Variants in XYLT1 observed in about 807,000 individuals in gnomAD.
XYLT1 encodes the protein xylosyltransferase 1.
In XYLT1, 36 loss-of-function variants were observed where a neutral mutation model predicts 91.3. The ratio of observed to expected loss-of-function variants is 0.39; its 90% CI spans 0.30 to 0.52. The LOEUF (loss-of-function observed/expected upper bound fraction) is 0.52, where lower values mean the gene tolerates loss of function less well. Ranked by LOEUF, XYLT1 falls within the 20% of genes least tolerant of loss-of-function variation. XYLT1 has a pLI of 0.68. For synonymous variants in XYLT1, 588 were observed against 532.0 expected (o/e 1.11, Z -1.45); for missense variants, 1,242 against 1,284.5 (o/e 0.97, Z 0.51).
intron 3 of XYLT1, among the ~76,000 whole-genome samples, chr16:17,222,348 T>C (rs568339152): frequency 1.6e-4 from 24 of 152,202 alleles, no homozygotes; most frequent in Non-Finnish European, 2.6e-4. Context: ...ACCTAGGAGG[T>C]AGAAGCCAGG....
At chr16:17,233,605 G>A (rs765552392) in intron 3 of XYLT1, among the ~76,000 whole-genome samples, 6 of 152,224 alleles carry the variant, frequency 3.9e-5, no homozygotes, top group Non-Finnish European at 7.3e-5. Flanking sequence ...ACACTCTGTT[G>A]TGCTGCTTTG....
At chr16:17,114,876 G>C (rs996313969) in intron 11 of XYLT1, among the ~76,000 whole-genome samples, 1 of 151,540 alleles carries the variant, frequency 6.6e-6, no homozygotes, top group Admixed American at 6.6e-5. Context: ...ACAGAGTCTC[G>C]CTTTGTCACC....
chr16:17,111,412 C>G (rs1966840594), intron 11 of XYLT1, among the ~76,000 whole-genome samples: 1 of 152,122 alleles, frequency 6.6e-6, no homozygotes. Context: ...TTTAAAAAGG[C>G]TGGCCAATGA....
At chr16:17,235,977 C>T (rs866146333) in intron 3 of XYLT1, among the ~76,000 whole-genome samples, 45 of 152,062 alleles carry the variant, frequency 3.0e-4, no homozygotes, top group African/African-American at 1.1e-3. Flanking sequence ...AGCAATTCTC[C>T]TGCCTCAGCC....
At chr16:17,335,197 C>A (rs554323693) in intron 2 of XYLT1, among the ~76,000 whole-genome samples, 4 of 151,392 alleles carry the variant, frequency 2.6e-5, no homozygotes, top group African/African-American at 9.7e-5. Context: ...CCAGCCTGGG[C>A]GACAGAGTGA....
chr16:17,178,036 T>C (rs2031982807), intron 5 of XYLT1, among the ~76,000 whole-genome samples: 1 of 152,048 alleles, frequency 6.6e-6, no homozygotes, highest in Non-Finnish European at 1.5e-5. Flanking sequence ...ACGGTGCTAA[T>C]GAGGACCAGG....
intron 3 of XYLT1, among the ~76,000 whole-genome samples, chr16:17,235,245 C>T (rs2033228638): frequency 6.6e-6 from 1 of 151,582 alleles, no homozygotes; most frequent in Non-Finnish European, 1.5e-5. Context: ...TCAAGTCATA[C>T]ACAAGTTGAG....
intron 2 of XYLT1, among the ~76,000 whole-genome samples, chr16:17,261,237 C>G (rs1870255): frequency 0.67 from 94,102 of 141,326 alleles, 33,250 homozygotes; most frequent in African/African-American, 0.92. Context: ...GTGAAACTGG[C>G]TCTCAAAAAA....
chr16:17,352,645 C>A (rs775083726), intron 2 of XYLT1, among the ~76,000 whole-genome samples: 4 of 152,200 alleles, frequency 2.6e-5, no homozygotes, highest in Non-Finnish European at 5.9e-5. Flanking sequence ...AAGCTCAAAC[C>A]TCATCTCTCC....
intron 3 of XYLT1, among the ~76,000 whole-genome samples, chr16:17,203,210 C>T (rs557329831): frequency 1.3e-5 from 2 of 152,072 alleles, no homozygotes; most frequent in Non-Finnish European, 2.9e-5. Flanking sequence ...TGTTGCTAAC[C>T]AAATACTTTG....
At chr16:17,297,021 G>T (rs1221033397) in intron 2 of XYLT1, among the ~76,000 whole-genome samples, 1 of 152,198 alleles carries the variant, frequency 6.6e-6, no homozygotes, top group African/African-American at 2.4e-5. Context: ...GTACTATTTA[G>T]TGACTCTTGT....
intron 1 of XYLT1, among the ~76,000 whole-genome samples, chr16:17,417,909 C>CTGT (rs2036200530): frequency 6.6e-6 from 1 of 152,234 alleles, no homozygotes; most frequent in Non-Finnish European, 1.5e-5. Flanking sequence ...GCCCAAGACA[C>CTGT]ACAGGATAGA....
intron 1 of XYLT1, among the ~76,000 whole-genome samples, chr16:17,435,427 G>C (rs572092670): frequency 1.6e-4 from 25 of 152,230 alleles, no homozygotes; most frequent in South Asian, 1.0e-3. Context: ...CCATTATCTG[G>C]TCACTTTCTT....
intron 1 of XYLT1, among the ~76,000 whole-genome samples, chr16:17,447,463 C>T (rs994543149): frequency 2.0e-5 from 3 of 152,234 alleles, no homozygotes; most frequent in African/African-American, 4.8e-5. Flanking sequence ...CTTTAAGCTC[C>T]GAAAACATTG....
At chr16:17,320,558 C>A (rs550327915) in intron 2 of XYLT1, among the ~76,000 whole-genome samples, 1 of 149,196 alleles carries the variant, frequency 6.7e-6, no homozygotes, top group South Asian at 2.1e-4. Context: ...CGGCTCACTG[C>A]AACCTCCGCC....
chr16:17,252,894 C>T lies in XYLT1; in HGVS notation c.913+6094G>A, dbSNP rs964612486. On this transcript the variant is annotated intron_variant, in intron 3 of 11. Transcript: ENST00000261381. ...CTTGGCTGAAGTTTAGGTGATGTTG[C>T]GTAAAGCAAAATGAGAAACACAGGG... Among the ~76,000 whole-genome samples the T allele has an allele frequency of 5.3e-5, 8 of 152,138 alleles. No individual in the cohort carries two copies. The South Asian group carries it at 8.3e-4, about 16-fold the overall frequency.
intron 1 of XYLT1, among the ~76,000 whole-genome samples, chr16:17,416,538 C>T (rs1240726646): frequency 6.6e-6 from 1 of 152,178 alleles, no homozygotes. Context: ...TGGGCACATC[C>T]CTATCACAAT....
intron 2 of XYLT1, among the ~76,000 whole-genome samples, chr16:17,301,669 TA>T (rs1363079288): frequency 2.0e-5 from 3 of 152,118 alleles, no homozygotes; most frequent in African/African-American, 7.2e-5. Context: ...AATACAATAA[TA>T]GATGCAAAGG....
At chr16:17,283,687 G>A (rs74010575) in intron 2 of XYLT1, among the ~76,000 whole-genome samples, 341 of 152,238 alleles carry the variant, frequency 2.2e-3, no homozygotes, top group African/African-American at 7.4e-3. Context: ...GACTTCCAAC[G>A]CAACCACAAC....
Sources: allele counts gnomAD v4.1 joint callset (sites outside exome capture counted in the v4.1 genomes callset), GRCh38; gene constraint gnomAD v4.1.1; transcripts MANE v1.5; gene names NCBI Gene and HGNC (gene_info 2026-07-23, HGNC 2026-07-21).